BRI3: variants seen among roughly 807,000 people sequenced by gnomAD.
BRI3 encodes the protein brain protein I3.
BRI3 carries 6 observed loss-of-function variants against 12.8 expected under a neutral mutation model. That is an observed-to-expected ratio of 0.47 (90% CI 0.26 to 0.93). BRI3 has a LOEUF of 0.93. Among genes scored for constraint, BRI3 ranks in the 40% least tolerant of loss-of-function variants. BRI3 has a pLI of 0.15. For synonymous variants in BRI3, 91 were observed against 76.1 expected (o/e 1.20, Z -1.02); for missense variants, 134 against 171.1 (o/e 0.78, Z 1.21).
chr7:98,289,571 C>G (rs6465663), intron 2 of BRI3, among the ~76,000 whole-genome samples: 57,305 of 152,188 alleles, frequency 0.38, 12,514 homozygotes, highest in Middle Eastern at 0.54. Flanking sequence ...CCCTTCCCCC[C>G]TAAGCACCAG....
exon 2 of BRI3, chr7:98,310,330 A>T: frequency 8.4e-7 from 1 of 1,187,200 alleles, no homozygotes; most frequent in Non-Finnish European, 1.2e-6. Flanking sequence ...TATCTACCAT[A>T]CCTGCTTGTT....
chr7:98,315,700 A>G, the BRI3 span: 2 of 586,568 alleles, frequency 3.4e-6, no homozygotes, highest in Non-Finnish European at 2.5e-6. Context: ...ATCTTCTGCC[A>G]TCTTTACACC....
chr7:98,285,011 G>A (rs1799664413), intron 2 of BRI3, among the ~76,000 whole-genome samples: 1 of 152,220 alleles, frequency 6.6e-6, no homozygotes, highest in Non-Finnish European at 1.5e-5. Context: ...CTGGGCTGGA[G>A]CAGAGCCTGC....
chr7:98,315,718 T>C, the BRI3 span: 1 of 476,386 alleles, frequency 2.1e-6, no homozygotes, highest in Admixed American at 4.7e-5. Context: ...ACCTGCTTTA[T>C]TTGAATAATA....
chr7:98,300,390 T>G (rs1475436132), intron 1 of BRI3, among the ~76,000 whole-genome samples: 1 of 152,126 alleles, frequency 6.6e-6, no homozygotes, highest in South Asian at 2.1e-4. Context: ...CTAACAGGAG[T>G]GCTGTCTACA....
downstream of BRI3, among the ~76,000 whole-genome samples, chr7:98,312,439 C>T (rs995054345): frequency 2.6e-5 from 4 of 152,132 alleles, no homozygotes; most frequent in African/African-American, 7.2e-5. Flanking sequence ...TGTGTCTCAC[C>T]GGCTGAGAGG....
At chr7:98,320,464 T>G in the BRI3 span, among the ~76,000 whole-genome samples, 2 of 152,126 alleles carry the variant, frequency 1.3e-5, no homozygotes, top group Admixed American at 1.3e-4. Flanking sequence ...GCCTCCCAAA[T>G]AGCTGGATTA....
downstream of BRI3, among the ~76,000 whole-genome samples, chr7:98,314,933 A>G (rs964208061): frequency 1.3e-5 from 2 of 152,216 alleles, no homozygotes; most frequent in Non-Finnish European, 2.9e-5. Context: ...AGGACTTTAA[A>G]TATGGATGTA....
chr7:98,287,764 C>T (rs936355376), intron 2 of BRI3, among the ~76,000 whole-genome samples: 1 of 152,216 alleles, frequency 6.6e-6, no homozygotes, highest in African/African-American at 2.4e-5. Context: ...AGGTGGGAGG[C>T]TGGTGTGGGC....
chr7:98,322,679 G>A, the BRI3 span, among the ~76,000 whole-genome samples: 3 of 152,174 alleles, frequency 2.0e-5, no homozygotes, highest in South Asian at 4.2e-4. Flanking sequence ...CAGCACTCAC[G>A]TCCCACCACG....
chr7:98,297,909 T>C (rs1043610953), downstream of BRI3, among the ~76,000 whole-genome samples: 1 of 152,134 alleles, frequency 6.6e-6, no homozygotes, highest in Non-Finnish European at 1.5e-5. Flanking sequence ...ACTTCCTCAC[T>C]TGGAACTGCA....
chr7:98,304,124 C>T, upstream of BRI3: 2 of 1,455,084 alleles, frequency 1.4e-6, no homozygotes, highest in Non-Finnish European at 1.8e-6. Context: ...AGGCGGTCAC[C>T]ACAGGACCTG....
chr7:98,284,512 A>T (rs1799645679), intron 2 of BRI3, among the ~76,000 whole-genome samples: 1 of 152,120 alleles, frequency 6.6e-6, no homozygotes, highest in Non-Finnish European at 1.5e-5. Context: ...CCCTGAACAC[A>T]CAACACACAC....
exon 2 of BRI3, chr7:98,307,544 A>T (rs1049504093): frequency 6.8e-7 from 1 of 1,461,362 alleles, no homozygotes; most frequent in East Asian, 2.5e-5. Flanking sequence ...GGATCGAATA[A>T]CTTCAGTTAA....
At chr7:98,310,416 C>T (rs906202328) in exon 2 of BRI3, 1 of 1,564,998 alleles carries the variant, frequency 6.4e-7, no homozygotes, top group African/African-American at 1.4e-5. Flanking sequence ...TAAAAGGTAT[C>T]TTCAAATAAA....
intron 2 of BRI3, among the ~76,000 whole-genome samples, chr7:98,290,083 G>C (rs1799853803): frequency 6.6e-6 from 1 of 151,368 alleles, no homozygotes; most frequent in South Asian, 2.1e-4. Flanking sequence ...TCGAATAAAA[G>C]CCCAAACCTG....
upstream of BRI3, chr7:98,304,424 C>CA (rs781400240): frequency 7.6e-6 from 12 of 1,585,328 alleles, no homozygotes; most frequent in South Asian, 1.4e-4. Context: ...GTCTCACCAC[C>CA]AAACCCCAAA....
the BRI3 span, chr7:98,315,504 T>C: frequency 6.6e-7 from 1 of 1,523,762 alleles, no homozygotes; most frequent in Non-Finnish European, 8.8e-7. Flanking sequence ...CCACAGTGCT[T>C]ATCAACCAGA....
At chr7:98,283,329 C>T (rs1038146866) in intron 2 of BRI3, among the ~76,000 whole-genome samples, 3 of 151,824 alleles carry the variant, frequency 2.0e-5, no homozygotes, top group African/African-American at 7.3e-5. Context: ...AGTGGAGTCA[C>T]GGGGAAGTGA....
Sources: gnomAD v4.1 joint callset for allele counts (sites outside exome capture counted in the v4.1 genomes callset) on GRCh38, gnomAD v4.1.1 for gene constraint, MANE v1.5 for transcripts, NCBI Gene and HGNC (gene_info 2026-07-23, HGNC 2026-07-21) for gene names.